The following MARCO variants were observed in gnomAD, a reference collection of about 807,000 sequenced individuals.
MARCO encodes the protein macrophage receptor MARCO.
MARCO carries 72 observed loss-of-function variants against 70.0 expected under a neutral mutation model. That is an observed-to-expected ratio of 1.03 (90% CI 0.85 to 1.25). The LOEUF (loss-of-function observed/expected upper bound fraction) is 1.25, where lower values mean the gene tolerates loss of function less well. Ranked by LOEUF, MARCO falls within the 50% of genes most tolerant of loss-of-function variation. The pLI, the probability that MARCO is intolerant of heterozygous loss-of-function variation, is 0.00. For synonymous variants in MARCO, 273 were observed against 243.1 expected, an observed-to-expected ratio of 1.12 and a Z score of -1.14; for missense variants, 696 against 659.3, an observed-to-expected ratio of 1.06 and a Z score of -0.61.
intron 1 of MARCO, among the ~76,000 whole-genome samples, chr2:118,959,324 A>G (rs1310718388): frequency 6.6e-6 from 1 of 152,196 alleles, no homozygotes; most frequent in Non-Finnish European, 1.5e-5. Flanking sequence ...TGGGCTAAGG[A>G]TATGAAAAAA....
chr2:118,993,798 T>C (rs1176390302), intron 16 of MARCO, among the ~76,000 whole-genome samples: 1 of 152,180 alleles, frequency 6.6e-6, no homozygotes, highest in Non-Finnish European at 1.5e-5. Context: ...TACTAAAATG[T>C]GTGGAAAATG....
At chr2:118,949,205 C>T (rs1017471893) in intron 1 of MARCO, 1 of 152,180 alleles carries the variant, frequency 6.6e-6, no homozygotes, top group Non-Finnish European at 1.5e-5. Context: ...AAAGAGCTAC[C>T]ATGCACTCCA....
At position 118,988,388 on chromosome 2, in the gene MARCO, G is replaced by A. The variant is rs1004506728; in HGVS notation, c.1064-2201G>A. 3.9e-5 allele frequency among the ~76,000 whole-genome samples: 6 copies of A among 152,072 alleles called. No homozygotes were observed. In the South Asian group the frequency reaches 8.3e-4, roughly 21 times the overall value. On this transcript the variant is annotated intron_variant, in intron 12 of 16. Transcript: ENST00000327097. Reference sequence around the variant, plus strand: ...TAAAGGGTGGTCACAGTGTTTTGAGGCCCCTTCTACTTACCTGCATGTGAA... The same window carrying A: ...TAAAGGGTGGTCACAGTGTTTTGAGACCCCTTCTACTTACCTGCATGTGAA...
intron 8 of MARCO, among the ~76,000 whole-genome samples, chr2:118,979,558 C>T (rs1203739756): frequency 1.3e-5 from 2 of 152,172 alleles, no homozygotes; most frequent in African/African-American, 4.8e-5. Flanking sequence ...GAGAAGGGGC[C>T]TCAGCCAGGT....
intron 1 of MARCO, 78 bp from the exon 2 acceptor site, chr2:118,969,082 A>T: frequency 9.9e-7 from 1 of 1,013,846 alleles, no homozygotes; most frequent in Non-Finnish European, 1.6e-6. Flanking sequence ...GCTCACATGG[A>T]GTAGGGCCTG....
At chr2:118,943,999 G>A (rs1679550775) in intron 1 of MARCO, among the ~76,000 whole-genome samples, 1 of 152,114 alleles carries the variant, frequency 6.6e-6, no homozygotes, top group African/African-American at 2.4e-5. Context: ...TGGAAGGCAG[G>A]AAAATAAAGG....
In MARCO at chr2:118,952,079, G is replaced by A. The variant is rs910801923; in HGVS notation, c.97+9682G>A. Among the ~76,000 whole-genome samples, 14 of 152,214 alleles carry A rather than the reference G, an allele frequency of 9.2e-5. No homozygotes were observed. In the South Asian group the frequency reaches 1.5e-3, roughly 16 times the overall value. On this transcript the variant is annotated intron_variant, in intron 1 of 16. Coordinates refer to ENST00000327097, the MANE Select transcript of MARCO (RefSeq NM_006770.4). The stretch of plus-strand genomic sequence containing the variant: ...GAGCAACCAGCAGGAGTGGAGCTTA[G>A]CCTCTTTCTTACCCCTTTCTTACCT...
intron 1 of MARCO, among the ~76,000 whole-genome samples, chr2:118,965,350 C>T (rs1441763740): frequency 6.6e-6 from 1 of 152,086 alleles, no homozygotes; most frequent in East Asian, 1.9e-4. Context: ...AGCTCATCTA[C>T]CAAGTCTTTT....
At chr2:118,954,216 G>T (rs1017640221) in intron 1 of MARCO, among the ~76,000 whole-genome samples, 1 of 152,152 alleles carries the variant, frequency 6.6e-6, no homozygotes, top group African/African-American at 2.4e-5. Flanking sequence ...ACACACTTGG[G>T]GCTGTTGCTG....
At chr2:118,965,622 T>C (rs1680030075) in intron 1 of MARCO, among the ~76,000 whole-genome samples, 1 of 152,232 alleles carries the variant, frequency 6.6e-6, no homozygotes, top group African/African-American at 2.4e-5. Context: ...TTTTCCATTA[T>C]ATAATGGATG....
At chr2:118,943,580 A>G (rs1359350511) in intron 1 of MARCO, among the ~76,000 whole-genome samples, 2 of 152,182 alleles carry the variant, frequency 1.3e-5, no homozygotes, top group Non-Finnish European at 2.9e-5. Context: ...TGAGACTTCC[A>G]CAGGACATGA....
chr2:118,976,339 C>T (rs1269978495), intron 6 of MARCO, among the ~76,000 whole-genome samples: 2 of 152,176 alleles, frequency 1.3e-5, no homozygotes, highest in African/African-American at 4.8e-5. Context: ...CCCATCTGCA[C>T]TTTCTGCTTG....
intron 12 of MARCO, among the ~76,000 whole-genome samples, chr2:118,986,677 GAAAGAAAGAAAGAAAGAAAGAAAGAAA>G (rs1680507477): frequency 2.4e-5 from 1 of 40,910 alleles, no homozygotes; most frequent in Admixed American, 2.4e-4. Context: ...AGGAAGGAAA[GAAAGAAAGAAAGAAAGAAAGAAAGAAA>G]GAAAGAAAGA....
chr2:118,942,239 G>A lies in MARCO; in HGVS notation c.-62G>A. 1 of 1,057,316 alleles carries A rather than the reference G, an allele frequency of 9.5e-7. No homozygotes were observed. Among genetic ancestry groups the A allele is most frequent in the Non-Finnish European group, 1.5e-6 (1 of 683,160 alleles). The allele number at this position is 1,057,316 out of a possible 1,614,324, so 65.5% of individuals were successfully genotyped here. On this transcript the variant is annotated 5_prime_UTR_variant, in exon 1 of 17. Coordinates refer to ENST00000327097, the MANE Select transcript of MARCO (RefSeq NM_006770.4). The stretch of plus-strand genomic sequence containing the variant: ...GATGGGAAGGATCTTTCTCCAAGTG[G>A]TTCCTCTTGAGGGGAGCATTTCTGC...
intron 10 of MARCO, 75 bp downstream of exon 10, chr2:118,981,731 C>A: frequency 7.1e-7 from 1 of 1,406,994 alleles, no homozygotes; most frequent in Non-Finnish European, 1.0e-6. Context: ...GACCAGACAC[C>A]ACCATCTTTT....
chr2:118,951,587 A>C (rs1460559524), intron 1 of MARCO, among the ~76,000 whole-genome samples: 1 of 152,240 alleles, frequency 6.6e-6, no homozygotes, highest in Admixed American at 6.5e-5. Context: ...TTACTGGGTT[A>C]AGGATTTTTT....
At chr2:118,975,057 A>T (rs1680254386) in intron 6 of MARCO, among the ~76,000 whole-genome samples, 1 of 152,196 alleles carries the variant, frequency 6.6e-6, no homozygotes, top group African/African-American at 2.4e-5. Flanking sequence ...AGAGACAATG[A>T]CACAAAGCTC....
intron 6 of MARCO, among the ~76,000 whole-genome samples, chr2:118,974,984 G>A (rs571146779): frequency 8.3e-4 from 127 of 152,156 alleles, no homozygotes; most frequent in Non-Finnish European, 3.4e-4. Context: ...CAAAGAAACC[G>A]AGCCTCAGTT....
intron 4 of MARCO, among the ~76,000 whole-genome samples, chr2:118,973,707 G>A (rs1256646639): frequency 1.3e-5 from 2 of 152,176 alleles, no homozygotes. Context: ...CAGCCTGCCG[G>A]TGGAACTGCC....
Sources: gnomAD v4.1 joint callset for allele counts (sites outside exome capture counted in the v4.1 genomes callset) on GRCh38, gnomAD v4.1.1 for gene constraint, MANE v1.5 for transcripts, NCBI Gene and HGNC (gene_info 2026-07-23, HGNC 2026-07-21) for gene names.